The following EXOSC1 variants were observed in gnomAD, a reference collection of about 807,000 sequenced individuals.
EXOSC1 encodes the protein exosome component 1.
Under a neutral mutation model 31.4 loss-of-function variants are expected in EXOSC1, and 27 were observed. The observed-to-expected ratio is 0.86, with a 90% CI of 0.63 to 1.18. The LOEUF (loss-of-function observed/expected upper bound fraction) is 1.18. Among genes scored for constraint, EXOSC1 ranks in the 50% most tolerant of loss-of-function variants. EXOSC1 has a pLI of 0.00. For synonymous variants in EXOSC1, 84 were observed against 89.5 expected (o/e 0.94, Z 0.35); for missense variants, 228 against 250.3 (o/e 0.91, Z 0.60).
At chr10:97,438,485 T>C (rs1018212427) in intron 5 of EXOSC1, among the ~76,000 whole-genome samples, 185 bp downstream of exon 5, 9 of 151,730 alleles carry the variant, frequency 5.9e-5, no homozygotes, top group Non-Finnish European at 1.0e-4. Context: ...TTAAAATTTT[T>C]GTAGAGACAG....
At chr10:97,438,073 C>T (rs931195905) in intron 5 of EXOSC1, among the ~76,000 whole-genome samples, 5 of 151,966 alleles carry the variant, frequency 3.3e-5, no homozygotes, top group East Asian at 3.9e-4. Flanking sequence ...GTGCATGGCA[C>T]GACACAGGCT....
chr10:97,438,572 T>C, intron 5 of EXOSC1, 98 bp downstream of exon 5: 3 of 1,141,016 alleles, frequency 2.6e-6, no homozygotes, highest in Non-Finnish European at 3.9e-6. Context: ...CCCAAAGTAC[T>C]GGGATTACGG....
intron 2 of EXOSC1, chr10:97,444,666 T>C (rs1845843994): frequency 6.6e-6 from 1 of 152,244 alleles, no homozygotes; most frequent in Non-Finnish European, 1.5e-5. Context: ...GTGATATCTA[T>C]GAAATGAACA....
chr10:97,436,588 A>G (rs1845544717), intron 7 of EXOSC1, 37 bp from the exon 8 acceptor site: 2 of 1,550,384 alleles, frequency 1.3e-6, no homozygotes, highest in Non-Finnish European at 1.7e-6. Context: ...CCCAGACCCC[A>G]AAGATTTGCC....
intron 2 of EXOSC1, chr10:97,443,812 A>T (rs1572863): frequency 6.6e-6 from 1 of 152,378 alleles, no homozygotes; most frequent in African/African-American, 2.4e-5. Flanking sequence ...TTTTTTTTGA[A>T]ATGGAGTTTC....
In EXOSC1 at chr10:97,436,195, G is replaced by A. The variant is rs1427051889; in HGVS notation, c.*250C>T. 2 of 388,688 alleles carry A rather than the reference G, an allele frequency of 5.1e-6. No individual in the cohort carries two copies. The highest frequency in any genetic ancestry group is 9.2e-6 in the Non-Finnish European group (2 of 216,308). 24.1% of individuals were successfully genotyped at this position (388,688 alleles called of 1,614,324 possible). ...CAAAAAATATGTATTTATAAGGACT[G>A]TCAGGAGGGATAGGCTATTTCCAAT... On this transcript the variant is annotated 3_prime_UTR_variant, in exon 8 of 8. Transcript: ENST00000370902.
At chr10:97,444,525 T>C (rs1346765890) in intron 2 of EXOSC1, 1 of 152,254 alleles carries the variant, frequency 6.6e-6, no homozygotes, top group Non-Finnish European at 1.5e-5. Flanking sequence ...TGCCCTGTAA[T>C]ATTCTTTCAA....
intron 3 of EXOSC1, among the ~76,000 whole-genome samples, chr10:97,442,658 G>A (rs1845754213): frequency 6.6e-6 from 1 of 152,120 alleles, no homozygotes; most frequent in Non-Finnish European, 1.5e-5. Flanking sequence ...ACAAGCATGT[G>A]CTACCATGCC....
At chr10:97,437,342 G>T in intron 6 of EXOSC1, 67 bp from the exon 7 acceptor site, 1 of 1,292,350 alleles carries the variant, frequency 7.7e-7, no homozygotes, top group Non-Finnish European at 1.1e-6. Context: ...AGCCACCTGA[G>T]TTGTTTTTCT....
In EXOSC1 at chr10:97,437,406, G is replaced by A. The variant is rs372708165; in HGVS notation, c.397-131C>T. 3.9e-4 allele frequency: 274 copies of A among 702,850 alleles called. No individual in the cohort carries two copies. In the African/African-American group the frequency reaches 4.5e-3, roughly 11 times the overall value. 43.5% of individuals were successfully genotyped at this position (702,850 alleles called of 1,614,324 possible). On this transcript the variant is annotated intron_variant, in intron 6 of 7. Transcript: ENST00000370902. The stretch of plus-strand genomic sequence containing the variant: ...TGCTCCGTTAACCAGGCTGGAGTGC[G>A]GTGGCGTGATATCAGTTCACAACCT...
intron 4 of EXOSC1, 121 bp from the exon 5 acceptor site, chr10:97,438,824 T>C (rs1845629968): frequency 2.7e-6 from 2 of 743,028 alleles, no homozygotes; most frequent in Non-Finnish European, 4.6e-6. Context: ...GCAATTTTGC[T>C]CACTGCAACC....
rs556291735 is a variant in EXOSC1 at position 97,445,403 on chromosome 10, G to T, written c.147+329C>A. The T allele has an allele frequency of 2.4e-5, 7 of 295,272 alleles. No homozygotes were observed. The South Asian group carries it at 5.3e-4, about 22-fold the overall frequency. 18.3% of individuals were successfully genotyped at this position (295,272 alleles called of 1,614,324 possible). ...GCGTCAGTGAGGTGGAGATAGTGGC[G>T]CTAGATAAAGTCGGAAAGGTAAGCA... is the stretch of plus-strand genomic sequence containing the variant. On this transcript the variant is annotated intron_variant, in intron 2 of 7. Transcript: ENST00000370902.
chr10:97,438,489 G>A (rs1389806602), intron 5 of EXOSC1, among the ~76,000 whole-genome samples, 181 bp downstream of exon 5: 5 of 151,748 alleles, frequency 3.3e-5, no homozygotes, highest in Non-Finnish European at 7.4e-5. Flanking sequence ...AATTTTTGTA[G>A]AGACAGGGTC....
rs113290064 is a variant in EXOSC1, at chr10:97,443,633, C to T, written c.148-322G>A. On this transcript the variant is annotated intron_variant, in intron 2 of 7. Transcript: ENST00000370902. ...CACTTCCCGGGTTCACGCCATTCTC[C>T]TGCCTCAGCCTCCCGAGTAGCTGGG... is the stretch of plus-strand genomic sequence containing the variant. 3.9e-4 allele frequency among the ~76,000 whole-genome samples: 59 copies of T among 152,318 alleles called. 1 individual carries two copies. The highest frequency in any genetic ancestry group is 1.3e-3 in the Admixed American group (20 of 15,294).
At chr10:97,439,674 G>A (rs1461629738) in intron 4 of EXOSC1, among the ~76,000 whole-genome samples, 1 of 152,146 alleles carries the variant, frequency 6.6e-6, no homozygotes, top group East Asian at 1.9e-4. Flanking sequence ...CACCATAAAT[G>A]TAATGCACTT....
In EXOSC1 at chr10:97,445,797, T is replaced by C; in HGVS notation, c.82A>G (p.Thr28Ala). Residue 28 changes from threonine to alanine, a missense_variant, in exon 2 of 8, where the codon ACC becomes GCC. Physicochemically the swap from Thr to Ala is moderately conservative, Grantham distance 58. Transcript: ENST00000370902. ...EEGSPGSGTY[T>A]RHGYIFSSLA... is the part of the protein sequence containing the mutation. ...GACGAAAAGATGTAGCCGTGGCGGG[T>C]GTAGGTGCCGCTGCCCGGGCTGCCC... 6.2e-7 allele frequency: 1 copy of C among 1,603,426 alleles called. No individual in the cohort carries two copies. Among genetic ancestry groups the C allele is most frequent in the South Asian group, 1.1e-5 (1 of 90,178 alleles).
Position 97,445,762 on chromosome 10 carries a change from G to C in EXOSC1, c.117C>G (p.Gly39=). 1 of 1,613,878 alleles carries C rather than the reference G, an allele frequency of 6.2e-7. No homozygotes were observed. The highest frequency in any genetic ancestry group is 8.5e-7 in the Non-Finnish European group (1 of 1,179,778). The change falls in exon 2 of 8, where the codon GGC becomes GGG. Residue 39 remains glycine, a synonymous_variant. Coordinates refer to ENST00000370902, the MANE Select transcript of EXOSC1 (RefSeq NM_016046.5). ...RHGYIFSSLA[G]CLMKSSENGA... is the part of the protein sequence containing the mutation. The stretch of plus-strand genomic sequence containing the variant: ...CATTCTCGCTGCTCTTCATCAGACA[G>C]CCGGCAAGCGACGAAAAGATGTAGC...
chr10:97,441,527 G>A (rs1310698798), intron 3 of EXOSC1, among the ~76,000 whole-genome samples: 3 of 117,346 alleles, frequency 2.6e-5, no homozygotes, highest in African/African-American at 9.7e-5. Context: ...TTTCACTCTT[G>A]TTGCCCAGGC....
chr10:97,440,852 A>G (rs1845692205), intron 4 of EXOSC1: 1 of 192,378 alleles, frequency 5.2e-6, no homozygotes, highest in Admixed American at 5.8e-5. Flanking sequence ...GGGTTTCACC[A>G]TGTTGGCTAG....
Sources: allele counts gnomAD v4.1 joint callset (sites outside exome capture counted in the v4.1 genomes callset), GRCh38; gene constraint gnomAD v4.1.1; transcripts MANE v1.5; gene names NCBI Gene and HGNC (gene_info 2026-07-23, HGNC 2026-07-21).